ALK: variants seen among roughly 807,000 people sequenced by gnomAD.
ALK encodes the protein ALK receptor tyrosine kinase.
A neutral mutation model predicts 163.1 loss-of-function variants in ALK; 74 were observed. The ratio of observed to expected loss-of-function variants is 0.45; its 90% confidence interval spans 0.38 to 0.55. The LOEUF (loss-of-function observed/expected upper bound fraction) is 0.55. Ranked by LOEUF, ALK falls within the 20% of genes least tolerant of loss-of-function variation. The probability of loss-of-function intolerance (pLI) is 0.00; values close to 1 mark genes in which losing one functional copy is unlikely to be tolerated. For missense variants in ALK, 2,063 were observed against 2,105.3 expected, an observed-to-expected ratio of 0.98 and a Z score of 0.39; for synonymous variants, 960 against 843.2, an observed-to-expected ratio of 1.14 and a Z score of -2.40.
chr2:29,349,358 A>G (rs771986793), intron 5 of ALK, among the ~76,000 whole-genome samples: 3 of 152,166 alleles, frequency 2.0e-5, no homozygotes, highest in Non-Finnish European at 4.4e-5. Context: ...TAGCCTCATC[A>G]GGGGAAAGTC....
chr2:29,260,526 T>A (rs1200827191), intron 11 of ALK, among the ~76,000 whole-genome samples: 2 of 152,234 alleles, frequency 1.3e-5, no homozygotes, highest in Non-Finnish European at 2.9e-5. Flanking sequence ...CTCCTTTTTT[T>A]AATACAGTGT....
At chr2:29,661,710 G>A (rs544200147) in intron 3 of ALK, among the ~76,000 whole-genome samples, 33 of 152,170 alleles carry the variant, frequency 2.2e-4, no homozygotes, top group African/African-American at 7.5e-4. Context: ...ATTTGTACTC[G>A]AGCAGTCTGA....
In ALK at chr2:29,322,957, A is replaced by C. The variant is rs1445093026; in HGVS notation, c.1415-2075T>G. ...TGAGGTGGGAGATGCACAGTACGTCACTCCCTCCTTACCCTTTTAGGAGGC... is the reference window on the plus strand; with the variant it reads ...TGAGGTGGGAGATGCACAGTACGTCCCTCCCTCCTTACCCTTTTAGGAGGC... On this transcript the variant is annotated intron_variant, in intron 6 of 28. Transcript: ENST00000389048. 2.0e-5 allele frequency among the ~76,000 whole-genome samples: 3 copies of C among 151,892 alleles called. No homozygotes were observed. In the East Asian group the frequency reaches 5.8e-4, roughly 29 times the overall value.
chr2:29,717,487 G>A, intron 2 of ALK, 91 bp downstream of exon 2: 1 of 1,488,382 alleles, frequency 6.7e-7, no homozygotes, highest in Admixed American at 1.7e-5. Flanking sequence ...GGAATGCCCT[G>A]GAGCACTATG....
At chr2:29,808,163 G>A (rs1317733299) in intron 1 of ALK, among the ~76,000 whole-genome samples, 1 of 152,114 alleles carries the variant, frequency 6.6e-6, no homozygotes, top group Admixed American at 6.5e-5. Context: ...ACAGTCTATG[G>A]GAAAAGATAC....
intron 4 of ALK, among the ~76,000 whole-genome samples, chr2:29,475,419 G>A (rs554210861): frequency 1.3e-5 from 2 of 152,296 alleles, no homozygotes; most frequent in African/African-American, 4.8e-5. Context: ...CACGGCGTAG[G>A]TGGCAGAATC....
At position 29,728,265 on chromosome 2, in the gene ALK, C is replaced by A. The variant is rs188052086; in HGVS notation, c.668-10568G>T. Reference sequence around the variant, plus strand: ...GGGGATTATTATTACCATTTTCAAACGCAGGAACTGAGGCTCAGAGAGGTT... The same window carrying A: ...GGGGATTATTATTACCATTTTCAAAAGCAGGAACTGAGGCTCAGAGAGGTT... On this transcript the variant is annotated intron_variant, in intron 1 of 28. Coordinates refer to ENST00000389048, the MANE Select transcript of ALK (RefSeq NM_004304.5). 2.0e-5 allele frequency among the ~76,000 whole-genome samples: 3 copies of A among 152,230 alleles called. No individual in the cohort carries two copies. The East Asian group carries it at 5.8e-4, about 29-fold the overall frequency.
chr2:29,828,167 C>T (rs1236618471), intron 1 of ALK, among the ~76,000 whole-genome samples: 3 of 152,246 alleles, frequency 2.0e-5, no homozygotes, highest in East Asian at 1.9e-4. Context: ...AAAATTAATT[C>T]GAGATGGATT....
At chr2:29,677,268 C>A (rs1299016841) in intron 3 of ALK, among the ~76,000 whole-genome samples, 1 of 132,992 alleles carries the variant, frequency 7.5e-6, no homozygotes, top group Non-Finnish European at 1.6e-5. Flanking sequence ...CCCCTCCCCT[C>A]CCCTCCCATC....
chr2:29,660,157 C>T (rs1396448002), intron 3 of ALK, among the ~76,000 whole-genome samples: 1 of 150,988 alleles, frequency 6.6e-6, no homozygotes, highest in African/African-American at 2.5e-5. Context: ...CTTCTGTCCA[C>T]CACAGTCCCT....
chr2:29,640,621 A>G (rs1676675536), intron 3 of ALK, among the ~76,000 whole-genome samples: 2 of 152,146 alleles, frequency 1.3e-5, no homozygotes, highest in Non-Finnish European at 2.9e-5. Flanking sequence ...CTTTTCTTAT[A>G]AATTATCCAG....
At chr2:29,538,482 G>GT (rs1558374139) in intron 3 of ALK, among the ~76,000 whole-genome samples, 1 of 152,062 alleles carries the variant, frequency 6.6e-6, no homozygotes, top group African/African-American at 2.4e-5. Context: ...TGTCATGATT[G>GT]TAAGTTTCCT....
Position 29,628,930 on chromosome 2 carries a change from C to T in ALK, c.952+65920G>A, listed in dbSNP as rs76336021. The stretch of plus-strand genomic sequence containing the variant: ...GAGCACACTCAAAACTGAGAATGAC[C>T]CCATATATAGGAGCCAGTCATTCTT... On this transcript the variant is annotated intron_variant, in intron 3 of 28. Transcript: ENST00000389048. Among the ~76,000 whole-genome samples, 595 of 152,240 alleles carry T rather than the reference C, an allele frequency of 3.9e-3. 1 individual carries two copies. The highest frequency in any genetic ancestry group is 0.013 in the African/African-American group (534 of 41,544).
At chr2:29,451,907 C>T (rs940459714) in intron 4 of ALK, among the ~76,000 whole-genome samples, 7 of 152,148 alleles carry the variant, frequency 4.6e-5, no homozygotes, top group East Asian at 1.9e-4. Flanking sequence ...GCTGTGTTGT[C>T]GAATAGGGCA....
At chr2:29,590,404 C>G (rs1055325757) in intron 3 of ALK, among the ~76,000 whole-genome samples, 12 of 152,148 alleles carry the variant, frequency 7.9e-5, no homozygotes, top group African/African-American at 2.9e-4. Flanking sequence ...AGTTCACGTT[C>G]AGTTGACAAA....
At chr2:29,462,421 G>T (rs1323270299) in intron 4 of ALK, among the ~76,000 whole-genome samples, 1 of 152,094 alleles carries the variant, frequency 6.6e-6, no homozygotes, top group Non-Finnish European at 1.5e-5. Flanking sequence ...TTTTAAAATT[G>T]CCACAGCCAT....
chr2:29,615,114 C>A (rs1675804303), intron 3 of ALK, among the ~76,000 whole-genome samples: 1 of 152,200 alleles, frequency 6.6e-6, no homozygotes, highest in South Asian at 2.1e-4. Context: ...CCACCGCACC[C>A]AGCCAATGCT....
chr2:29,656,085 AT>A lies in ALK; in HGVS notation c.952+38764del, dbSNP rs570290643. Among the ~76,000 whole-genome samples, 143 of 152,086 alleles carry A rather than the reference AT, an allele frequency of 9.4e-4. No homozygotes were observed. In the East Asian group the frequency reaches 0.012, roughly 13 times the overall value. On this transcript the variant is annotated intron_variant, in intron 3 of 28. Coordinates refer to ENST00000389048, the MANE Select transcript of ALK (RefSeq NM_004304.5). ...CTAGAACATTTTTTTGGTGATGGAA[AT>A]TTTTTTTCCTTGATTGCAGGGCTGT...
chr2:29,769,185 G>C (rs1244240675), intron 1 of ALK, among the ~76,000 whole-genome samples: 2 of 151,992 alleles, frequency 1.3e-5, no homozygotes, highest in Non-Finnish European at 2.9e-5. Context: ...ACATTGAGCT[G>C]GTATTACTTT....
Sources: allele counts gnomAD v4.1 joint callset (sites outside exome capture counted in the v4.1 genomes callset), GRCh38; gene constraint gnomAD v4.1.1; transcripts MANE v1.5; gene names NCBI Gene and HGNC (gene_info 2026-07-23, HGNC 2026-07-21).